The following ARHGAP42 variants were observed in gnomAD, a reference collection of about 807,000 sequenced individuals.
ARHGAP42 encodes the protein rho GTPase-activating protein 42.
Under a neutral mutation model 125.0 loss-of-function variants are expected in ARHGAP42, and 63 were observed. That is an observed-to-expected ratio of 0.50 (90% confidence interval 0.41 to 0.62). ARHGAP42 has a LOEUF of 0.62. ARHGAP42 is among the 20% of genes least tolerant of loss of function. The pLI, the probability that ARHGAP42 is intolerant of heterozygous loss-of-function variation, is 0.00. For missense variants in ARHGAP42, 766 were observed against 1,024.2 expected (o/e 0.75, Z 3.44); for synonymous variants, 339 against 351.0 (o/e 0.97, Z 0.38).
chr11:100,962,600 G>A, intron 16 of ARHGAP42, 133 bp downstream of exon 16: 1 of 799,398 alleles, frequency 1.3e-6, no homozygotes, highest in Non-Finnish European at 1.9e-6. Context: ...ATCTGGGCCG[G>A]GTGCGGTGGC....
At position 100,961,700 on chromosome 11, in the gene ARHGAP42, T is replaced by C; in HGVS notation, c.1317T>C (p.Pro439=). 6.4e-7 allele frequency: 1 copy of C among 1,550,614 alleles called. No individual in the cohort carries two copies. Among genetic ancestry groups the C allele is most frequent in the Non-Finnish European group, 8.7e-7 (1 of 1,146,188 alleles). Residue 439 remains proline, a synonymous_variant, in exon 15 of 24, where the codon CCT becomes CCC. Coordinates refer to ENST00000298815, the MANE Select transcript of ARHGAP42 (RefSeq NM_152432.4). Reference sequence around the variant, plus strand: ...TCTTTCCAGCTCCTAAATCCCCTCCTGATATTGATATTGATATTGAACTGT... The same window carrying C: ...TCTTTCCAGCTCCTAAATCCCCTCCCGATATTGATATTGATATTGAACTGT... The part of the protein sequence containing the change: ...MNTTFSPKSP[P]DIDIDIELWD...
intron 3 of ARHGAP42, among the ~76,000 whole-genome samples, chr11:100,799,562 A>G (rs1458983861): frequency 6.6e-6 from 1 of 152,232 alleles, no homozygotes; most frequent in African/African-American, 2.4e-5. Flanking sequence ...CTCTGATGAC[A>G]GAAATGGGAA....
chr11:100,988,837 C>T lies in ARHGAP42; in HGVS notation c.*36C>T, dbSNP rs1407291574. The T allele has an allele frequency of 4.9e-6, 7 of 1,432,502 alleles. No homozygotes were observed. The Admixed American group carries it at 1.4e-4, about 28-fold the overall frequency. 88.7% of individuals were successfully genotyped at this position (1,432,502 alleles called of 1,614,324 possible). On this transcript the variant is annotated 3_prime_UTR_variant, in exon 24 of 24. Transcript: ENST00000298815. ...TGGATGGCAGTATCTTCATGGTATC[C>T]ATGGTAACGAATAAATGCTATGATT...
At chr11:100,765,932 T>G (rs1192561240) in intron 1 of ARHGAP42, among the ~76,000 whole-genome samples, 2 of 152,200 alleles carry the variant, frequency 1.3e-5, no homozygotes, top group Non-Finnish European at 2.9e-5. Flanking sequence ...TAAAAGCAAT[T>G]CCATTAACAC....
chr11:100,758,025 TG>T (rs1862615834), intron 1 of ARHGAP42, among the ~76,000 whole-genome samples: 1 of 152,234 alleles, frequency 6.6e-6, no homozygotes, highest in Non-Finnish European at 1.5e-5. Flanking sequence ...ATACTGTTCA[TG>T]TATAGCCATG....
At chr11:100,940,354 G>T (rs551268366) in intron 8 of ARHGAP42, among the ~76,000 whole-genome samples, 4 of 152,142 alleles carry the variant, frequency 2.6e-5, no homozygotes, top group Non-Finnish European at 5.9e-5. Flanking sequence ...TGTTAAGCAA[G>T]ATGGGTCCCT....
At chr11:100,846,553 T>C (rs1422409568) in intron 3 of ARHGAP42, among the ~76,000 whole-genome samples, 1 of 152,170 alleles carries the variant, frequency 6.6e-6, no homozygotes, top group Non-Finnish European at 1.5e-5. Context: ...CAATAAATAT[T>C]TGTTGGCTAG....
At chr11:100,922,934 C>T (rs1337661509) in intron 6 of ARHGAP42, among the ~76,000 whole-genome samples, 6 of 152,194 alleles carry the variant, frequency 3.9e-5, no homozygotes, top group South Asian at 2.1e-4. Flanking sequence ...TTAACTTTTA[C>T]GTTTTATTTA....
At chr11:100,897,738 A>G (rs983776466) in intron 4 of ARHGAP42, among the ~76,000 whole-genome samples, 3 of 152,088 alleles carry the variant, frequency 2.0e-5, no homozygotes, top group South Asian at 2.1e-4. Context: ...AGGAGATTTG[A>G]GGCTGAGACG....
chr11:100,719,688 C>T (rs1036130778), intron 1 of ARHGAP42, among the ~76,000 whole-genome samples: 2 of 151,980 alleles, frequency 1.3e-5, no homozygotes, highest in African/African-American at 4.8e-5. Context: ...GTTGTGTGTG[C>T]AGGTTCAAAA....
chr11:100,980,050 T>C (rs1489422712), intron 22 of ARHGAP42, among the ~76,000 whole-genome samples: 1 of 152,204 alleles, frequency 6.6e-6, no homozygotes, highest in Non-Finnish European at 1.5e-5. Context: ...CTTCAAACTC[T>C]CTTTGGTTTT....
At chr11:100,938,748 A>C (rs1867802087) in intron 8 of ARHGAP42, among the ~76,000 whole-genome samples, 1 of 152,180 alleles carries the variant, frequency 6.6e-6, no homozygotes, top group Admixed American at 6.5e-5. Flanking sequence ...TGCTTTTGGA[A>C]TTATTTTATA....
chr11:100,987,592 G>T lies in ARHGAP42; in HGVS notation c.2536G>T (p.Val846Leu). 6.4e-7 allele frequency: 1 copy of T among 1,550,972 alleles called. No homozygotes were observed. The highest frequency in any genetic ancestry group is 8.7e-7 in the Non-Finnish European group (1 of 1,146,360). Residue 846 changes from valine (V) to leucine (L), a missense_variant and splice_region_variant, in exon 23 of 24, where the codon GTG becomes TTG. Physicochemically the swap from Val to Leu is conservative, Grantham distance 32. Coordinates refer to ENST00000298815, the MANE Select transcript of ARHGAP42 (RefSeq NM_152432.4). ...SFPQGAIFSN[V>L]YPSVEPGWLK... ...CCCACAAGGAGCAATATTTTCTAAT[G>T]GTAAGTATGTCAATTCCCTCTGCCT...
At chr11:100,902,282 C>T (rs946572099) in intron 4 of ARHGAP42, among the ~76,000 whole-genome samples, 2 of 152,188 alleles carry the variant, frequency 1.3e-5, no homozygotes, top group African/African-American at 4.8e-5. Context: ...ACTCCATCCT[C>T]TTGCTAACTG....
chr11:100,781,724 A>AT (rs546672313), intron 2 of ARHGAP42, among the ~76,000 whole-genome samples: 3 of 152,160 alleles, frequency 2.0e-5, no homozygotes, highest in Admixed American at 6.5e-5. Flanking sequence ...AATTATTCAG[A>AT]TTTTTTTCTG....
Position 100,893,926 on chromosome 11 carries a change from A to G in ARHGAP42, c.385-19526A>G, listed in dbSNP as rs1328639604. Among the ~76,000 whole-genome samples the G allele has an allele frequency of 2.6e-5, 4 of 151,364 alleles. No individual in the cohort carries two copies. The East Asian group carries it at 8.3e-4, about 31-fold the overall frequency. ...TCAAAACTGCAATGAGTTCATTATT[A>G]AAAACATTAATTAAGTAATTCTTGA... On this transcript the variant is annotated intron_variant, in intron 4 of 23. Transcript: ENST00000298815.
chr11:100,927,365 C>T (rs1243034704), intron 6 of ARHGAP42, among the ~76,000 whole-genome samples: 2 of 152,020 alleles, frequency 1.3e-5, no homozygotes, highest in African/African-American at 4.8e-5. Flanking sequence ...TTTCGAAACT[C>T]TGTAGGACTA....
At chr11:100,873,738 G>A (rs1565252937) in intron 4 of ARHGAP42, among the ~76,000 whole-genome samples, 1 of 152,040 alleles carries the variant, frequency 6.6e-6, no homozygotes, top group South Asian at 2.1e-4. Context: ...ATTATTTTCA[G>A]CCTCTTTTTA....
intron 4 of ARHGAP42, among the ~76,000 whole-genome samples, chr11:100,913,018 A>C (rs1866967008): frequency 6.6e-6 from 1 of 152,184 alleles, no homozygotes; most frequent in Non-Finnish European, 1.5e-5. Context: ...TTCTTTAGAC[A>C]TTATATATTG....
Sources: gnomAD v4.1 joint callset for allele counts (sites outside exome capture counted in the v4.1 genomes callset) on GRCh38, gnomAD v4.1.1 for gene constraint, MANE v1.5 for transcripts, NCBI Gene and HGNC (gene_info 2026-07-23, HGNC 2026-07-21) for gene names.